Variants in TBCK observed in about 807,000 individuals in gnomAD.
The protein encoded by TBCK is TBC1 domain containing kinase.
A neutral mutation model predicts 113.4 loss-of-function variants in TBCK; 99 were observed. The ratio of observed to expected loss-of-function variants is 0.87; its 90% CI spans 0.74 to 1.03. The LOEUF is 1.03. Ranked by LOEUF, TBCK falls within the 50% of genes least tolerant of loss-of-function variation. The pLI, the probability that TBCK is intolerant of heterozygous loss-of-function variation, is 0.00. For synonymous variants in TBCK, 369 were observed against 370.8 expected, an observed-to-expected ratio of 1.00 and a Z score of 0.05; for missense variants, 1,045 against 1,061.3, an observed-to-expected ratio of 0.98 and a Z score of 0.21.
chr4:106,190,873 T>C (rs1753587065), intron 22 of TBCK, among the ~76,000 whole-genome samples: 1 of 152,194 alleles, frequency 6.6e-6, no homozygotes, highest in Non-Finnish European at 1.5e-5. Flanking sequence ...CCCAACTAGC[T>C]GAGACTACAG....
chr4:106,311,560 A>T (rs973309271), intron 1 of TBCK, among the ~76,000 whole-genome samples: 15 of 151,920 alleles, frequency 9.9e-5, no homozygotes, highest in Admixed American at 7.9e-4. Flanking sequence ...AAGGGAATTT[A>T]AAAAAAATAC....
chr4:106,207,266 C>T (rs567913745), intron 20 of TBCK, among the ~76,000 whole-genome samples: 4 of 152,194 alleles, frequency 2.6e-5, no homozygotes, highest in South Asian at 2.1e-4. Flanking sequence ...TTCAGAGTTC[C>T]GTGACCCAGA....
chr4:106,233,120 C>A, intron 16 of TBCK, 56 bp from the exon 17 acceptor site: 2 of 1,449,154 alleles, frequency 1.4e-6, no homozygotes, highest in South Asian at 1.3e-5. Context: ...CAGCAATAAA[C>A]CCTTAATCCT....
At chr4:106,103,244 A>G (rs1741752184) in intron 24 of TBCK, among the ~76,000 whole-genome samples, 1 of 152,236 alleles carries the variant, frequency 6.6e-6, no homozygotes, top group Non-Finnish European at 1.5e-5. Context: ...CTACATCTGT[A>G]TAAAGATAAC....
At chr4:106,272,236 G>A (rs1342882388) in intron 3 of TBCK, among the ~76,000 whole-genome samples, 1 of 152,120 alleles carries the variant, frequency 6.6e-6, no homozygotes, top group African/African-American at 2.4e-5. Context: ...ATAACCGCCA[G>A]TACAGCTATG....
At chr4:106,088,289 A>G (rs1168019005) in intron 25 of TBCK, among the ~76,000 whole-genome samples, 2 of 152,212 alleles carry the variant, frequency 1.3e-5, no homozygotes, top group African/African-American at 4.8e-5. Context: ...AAAAGTAGGC[A>G]AAGCATATAT....
intron 25 of TBCK, among the ~76,000 whole-genome samples, chr4:106,047,895 A>G (rs567375629): frequency 7.9e-5 from 12 of 152,200 alleles, no homozygotes; most frequent in African/African-American, 2.2e-4. Flanking sequence ...GTTCTTTTCA[A>G]TTACTGTCTC....
In TBCK at chr4:106,187,029, T is replaced by C. The variant is rs140298316; in HGVS notation, c.2059+6580A>G. On this transcript the variant is annotated intron_variant, in intron 22 of 25. Transcript: ENST00000394708. ...TCACTGCTTATTTTTGTCAACTTTG[T>C]TGAAGATTAGATGGCTGTAGGTGTG... 1.6e-4 allele frequency among the ~76,000 whole-genome samples: 25 copies of C among 152,306 alleles called. No homozygotes were observed. In the East Asian group the frequency reaches 3.9e-3, roughly 24 times the overall value.
intron 22 of TBCK, among the ~76,000 whole-genome samples, chr4:106,191,777 C>G (rs748093631): frequency 2.6e-5 from 4 of 151,988 alleles, no homozygotes; most frequent in Non-Finnish European, 5.9e-5. Flanking sequence ...GCAAAGAAAC[C>G]CAATTGTACC....
In TBCK at chr4:106,044,384, G is replaced by A. The variant is rs1377173774; in HGVS notation, c.*2186C>T. 2 of 152,150 alleles carry A rather than the reference G, an allele frequency of 1.3e-5. No homozygotes were observed. The highest frequency in any genetic ancestry group is 4.8e-5 in the African/African-American group (2 of 41,414). 9.4% of individuals were successfully genotyped at this position (152,150 alleles called of 1,614,324 possible). ...ACAATGGCCCAAAAACAATGTTAGT[G>A]AAATCTTGGTATATATTTGTTCTCA... On this transcript the variant is annotated 3_prime_UTR_variant, in exon 26 of 26. Coordinates refer to ENST00000394708, the MANE Select transcript of TBCK (RefSeq NM_001163435.3).
intron 23 of TBCK, among the ~76,000 whole-genome samples, chr4:106,125,572 G>A (rs1745096833): frequency 6.6e-6 from 1 of 152,124 alleles, no homozygotes; most frequent in Non-Finnish European, 1.5e-5. Context: ...GATGGAATTG[G>A]AGGTCATCAT....
chr4:106,220,193 G>A (rs1055050404), intron 19 of TBCK, among the ~76,000 whole-genome samples: 4 of 152,140 alleles, frequency 2.6e-5, no homozygotes, highest in African/African-American at 9.7e-5. Context: ...GGAGGGACCG[G>A]GGTGTGGTAA....
At chr4:106,220,375 G>A (rs1281491776) in intron 19 of TBCK, among the ~76,000 whole-genome samples, 1 of 152,152 alleles carries the variant, frequency 6.6e-6, no homozygotes, top group African/African-American at 2.4e-5. Context: ...GGCTTCCCCA[G>A]CCATGTGGAA....
intron 23 of TBCK, among the ~76,000 whole-genome samples, chr4:106,116,938 A>G (rs1300554630): frequency 6.6e-6 from 1 of 151,930 alleles, no homozygotes; most frequent in Non-Finnish European, 1.5e-5. Context: ...TAAAGTGCAC[A>G]ATAAATGTAA....
intron 12 of TBCK, chr4:106,237,675 A>C (rs1759623614): frequency 2.7e-6 from 1 of 371,518 alleles, no homozygotes; most frequent in Admixed American, 3.2e-5. Context: ...TCAAACTAAG[A>C]ATTCAGCAAA....
intron 23 of TBCK, among the ~76,000 whole-genome samples, chr4:106,169,992 C>T (rs1034037584): frequency 1.3e-5 from 2 of 151,974 alleles, no homozygotes; most frequent in African/African-American, 4.8e-5. Context: ...GAGCAGTGGC[C>T]GTAAATACAG....
chr4:106,159,780 C>T lies in TBCK; in HGVS notation c.2235+11315G>A, dbSNP rs182209419. Among the ~76,000 whole-genome samples, 762 of 151,950 alleles carry T rather than the reference C, an allele frequency of 5.0e-3. 4 individuals carry two copies. Among genetic ancestry groups the T allele is most frequent in the African/African-American group, 0.018 (733 of 41,508 alleles). On this transcript the variant is annotated intron_variant, in intron 23 of 25. Transcript: ENST00000394708. ...TTTAGCAGAAATAGAAAGACCTATC[C>T]CAAAATTCATATGGAATCTCAAGAG...
intron 20 of TBCK, among the ~76,000 whole-genome samples, chr4:106,210,621 T>C (rs1756018036): frequency 6.6e-6 from 1 of 152,186 alleles, no homozygotes; most frequent in African/African-American, 2.4e-5. Flanking sequence ...TTCACGTTAT[T>C]ATTTAGAATT....
chr4:106,209,624 G>A (rs1008196911), intron 20 of TBCK, among the ~76,000 whole-genome samples: 37 of 152,002 alleles, frequency 2.4e-4, no homozygotes, highest in Non-Finnish European at 4.7e-4. Flanking sequence ...ACTCAATCAG[G>A]ACCATCAACA....
Sources: allele counts gnomAD v4.1 joint callset (sites outside exome capture counted in the v4.1 genomes callset), GRCh38; gene constraint gnomAD v4.1.1; transcripts MANE v1.5; gene names NCBI Gene and HGNC (gene_info 2026-07-23, HGNC 2026-07-21).